Variants in DRP2 observed in about 807,000 individuals in gnomAD.
DRP2 encodes the protein dystrophin related protein 2, also known as dystrophin-related protein 2.
Under a neutral mutation model 78.2 loss-of-function variants are expected in DRP2, and 29 were observed. The ratio of observed to expected loss-of-function variants is 0.37; its 90% CI spans 0.28 to 0.51. The LOEUF is 0.51. Among genes scored for constraint, DRP2 ranks in the 20% least tolerant of loss-of-function variants. DRP2 has a pLI of 0.94. For missense variants in DRP2, 686 were observed against 770.6 expected (o/e 0.89, Z 1.30); for synonymous variants, 290 against 281.9 (o/e 1.03, Z -0.29).
intron 6 of DRP2, among the ~76,000 whole-genome samples, chrX:101,240,034 C>A (rs1272379387): frequency 1.8e-5 from 2 of 111,795 alleles, no homozygotes; most frequent in Non-Finnish European, 3.8e-5. Flanking sequence ...CAGAGCAAGA[C>A]CCTGACTCTA....
chrX:101,252,351 T>C (rs1923168335), intron 16 of DRP2, among the ~76,000 whole-genome samples: 1 of 111,682 alleles, frequency 9.0e-6, no homozygotes, highest in African/African-American at 3.3e-5. Flanking sequence ...ACAAAGGTGG[T>C]GAGACAATGC....
chrX:101,229,685 C>A (rs1922237612), intron 2 of DRP2, among the ~76,000 whole-genome samples: 1 of 110,711 alleles, frequency 9.0e-6, no homozygotes, highest in Non-Finnish European at 1.9e-5. Context: ...ATTTAATTAT[C>A]TGCATCATGA....
rs1331790946 is a variant in DRP2 at position 101,247,132 on chromosome X, T to C, written c.1220T>C (p.Met407Thr). The change falls in exon 12 of 24, where the codon ATG (methionine) becomes ACG (threonine). Residue 407 changes from methionine (M) to threonine (T), a missense_variant. By Grantham distance (81) the Met-to-Thr change is moderately conservative (BLOSUM62 -1). Around this residue, in one of 2 missense-constraint regions of DRP2, gnomAD observed 423 missense variants for 531.5 expected, o/e 0.80. Coordinates refer to ENST00000395209, the MANE Select transcript of DRP2 (RefSeq NM_001939.3). The stretch of plus-strand genomic sequence containing the variant: ...AAGTTCTCAGCTTATCGCACTGCCA[T>C]GAAACTCCGCAGAGTCCAGAAAGCC... ...NIKFSAYRTA[M>T]KLRRVQKALR... is the part of the protein sequence containing the mutation. 3 of 1,209,113 alleles carry C rather than the reference T, an allele frequency of 2.5e-6. No individual in the cohort carries two copies. Among genetic ancestry groups the C allele is most frequent in the Non-Finnish European group, 3.4e-6 (3 of 894,906 alleles).
intron 10 of DRP2, 78 bp downstream of exon 10, chrX:101,245,155 TTGTCACTC>T: frequency 9.9e-7 from 1 of 1,012,764 alleles, no homozygotes; most frequent in Non-Finnish European, 1.4e-6. Context: ...CTACCTGTCC[TTGTCACTC>T]TGTCTGTTGG....
chrX:101,257,080 A>G (rs892334882), intron 21 of DRP2, among the ~76,000 whole-genome samples: 2 of 110,114 alleles, frequency 1.8e-5, no homozygotes, highest in Non-Finnish European at 3.8e-5. Flanking sequence ...GAAGAAGAAT[A>G]CAGGGAAGAC....
chrX:101,239,017 A>G lies in DRP2; in HGVS notation c.475A>G (p.Ile159Val), dbSNP rs933071507. The change falls in exon 6 of 24, where the codon ATC (isoleucine) becomes GTC (valine). Residue 159 changes from isoleucine to valine, a missense_variant. Ile to Val is a conservative substitution (Grantham distance 29). Coordinates refer to ENST00000395209, the MANE Select transcript of DRP2 (RefSeq NM_001939.3). ...AGAAGTCAAGTCTCGGGGCCCCTAC[A>G]TCTATTCTGTGCTGGAGTCAGCTCA... ...MEEVKSRGPY[I>V]YSVLESAQAF... 2 of 1,209,328 alleles carry G rather than the reference A, an allele frequency of 1.7e-6. No individual in the cohort carries two copies. The highest frequency in any genetic ancestry group is 3.5e-5 in the African/African-American group (2 of 56,992).
At chrX:101,230,650 G>T (rs1277745834) in intron 2 of DRP2, among the ~76,000 whole-genome samples, 1 of 111,236 alleles carries the variant, frequency 9.0e-6, no homozygotes, top group African/African-American at 3.3e-5. Flanking sequence ...TGTCATTCAA[G>T]GCATGGCCCA....
Position 101,248,298 on chromosome X carries a change from C to A in DRP2, c.1454+8C>A. The A allele has an allele frequency of 8.3e-7, 1 of 1,206,020 alleles. No homozygotes were observed. Among genetic ancestry groups the A allele is most frequent in the Non-Finnish European group, 1.1e-6 (1 of 890,662 alleles). ...CCTCAATGTTTTTGATAGGTAAGGG[C>A]TTTCAGCTCTGGAAGCCTCCAGGAT... On this transcript the variant is annotated splice_region_variant and intron_variant, in intron 13 of 23. Transcript: ENST00000395209.
At chrX:101,254,609 C>T in intron 18 of DRP2, 48 bp downstream of exon 18, 1 of 1,204,219 alleles carries the variant, frequency 8.3e-7, no homozygotes, top group Non-Finnish European at 1.1e-6. Flanking sequence ...TCACTGAGCC[C>T]GATCGTATGC....
rs940843451 is a variant in DRP2, at chrX:101,263,642, G to A, written c.*3021G>A. 3 of 111,975 alleles carry A rather than the reference G, an allele frequency of 2.7e-5. No individual in the cohort carries two copies. The Admixed American group carries it at 2.8e-4, about 11-fold the overall frequency. The allele number at this position is 111,975 out of a possible 1,213,427, so 9.2% of individuals were successfully genotyped here. ...TGCTATGCTTCCCTAGGGAGGACAT[G>A]TGCCCTTCCCTCCAGATTAGAAAGG... is the stretch of plus-strand genomic sequence containing the variant. On this transcript the variant is annotated 3_prime_UTR_variant, in exon 24 of 24. Transcript: ENST00000395209.
chrX:101,241,862 G>A lies in DRP2; in HGVS notation c.754G>A (p.Gly252Arg), dbSNP rs771279299. The change falls in exon 7 of 24, where the codon GGA becomes AGA. Residue 252 changes from glycine (G) to arginine (R), a missense_variant. Transcript: ENST00000395209. The part of the protein sequence containing the change: ...ELSTTLSQAE[G>R]VRATWEPIGD... ...AAGCACTACTCTGAGCCAAGCTGAG[G>A]GAGTCCGAGCCACTTGGGAGCCCAT... 45 of 1,185,426 alleles carry A rather than the reference G, an allele frequency of 3.8e-5. No homozygotes were observed. The highest frequency in any genetic ancestry group is 4.9e-5 in the Non-Finnish European group (43 of 883,143).
In DRP2 at chrX:101,242,418, A is replaced by G. The variant is rs752061860; in HGVS notation, c.922A>G (p.Met308Val). The G allele has an allele frequency of 5.0e-6, 6 of 1,211,717 alleles. No individual in the cohort carries two copies. The highest frequency in any genetic ancestry group is 3.0e-5 in the East Asian group (1 of 33,834). The change falls in exon 8 of 24, where the codon ATG becomes GTG. Residue 308 changes from methionine to valine, a missense_variant. Met to Val is a conservative substitution (Grantham distance 21). Around this residue, in one of 2 missense-constraint regions of DRP2, gnomAD observed 263 missense variants for 239.1 expected, o/e 1.10. Transcript: ENST00000395209. Reference sequence around the variant, plus strand: ...TGCCATTTCTGATGTGCACTTGTCAATGGAGAATTCCCAGGCCCTGGAACA... The same window carrying G: ...TGCCATTTCTGATGTGCACTTGTCAGTGGAGAATTCCCAGGCCCTGGAACA... ...QLAISDVHLS[M>V]ENSQALEQIN...
At chrX:101,232,948 T>C (rs1439717320) in intron 3 of DRP2, among the ~76,000 whole-genome samples, 1 of 112,557 alleles carries the variant, frequency 8.9e-6, no homozygotes, top group Admixed American at 9.4e-5. Flanking sequence ...CCAGTTTCTC[T>C]TCCTTTCCTG....
At chrX:101,249,933 G>A (rs1260377045) in intron 14 of DRP2, among the ~76,000 whole-genome samples, 1 of 111,848 alleles carries the variant, frequency 8.9e-6, no homozygotes, top group Non-Finnish European at 1.9e-5. Context: ...GCATGCCAGT[G>A]TTTCCTTCCA....
At position 101,227,079 on chromosome X, in the gene DRP2, G is replaced by A. The variant is rs1042643092; in HGVS notation, c.-64+2373G>A. On this transcript the variant is annotated intron_variant, in intron 2 of 23. Coordinates refer to ENST00000395209, the MANE Select transcript of DRP2 (RefSeq NM_001939.3). ...AGATATCTCTTCCTCTTTTTATAAAGCCATGAATTCTCCTCCCGTGATAAC... is the reference window on the plus strand; with the variant it reads ...AGATATCTCTTCCTCTTTTTATAAAACCATGAATTCTCCTCCCGTGATAAC... 8.1e-5 allele frequency among the ~76,000 whole-genome samples: 9 copies of A among 110,694 alleles called. No individual in the cohort carries two copies. In the Admixed American group the frequency reaches 8.7e-4, roughly 11 times the overall value.
chrX:101,256,652 G>A (rs954157982), intron 21 of DRP2, among the ~76,000 whole-genome samples: 1 of 107,255 alleles, frequency 9.3e-6, no homozygotes, highest in African/African-American at 3.4e-5. Context: ...GAGTTCAAAC[G>A]ATTCTCATGC....
At position 101,262,733 on chromosome X, in the gene DRP2, G is replaced by C. The variant is rs1308606757; in HGVS notation, c.*2112G>C. On this transcript the variant is annotated 3_prime_UTR_variant, in exon 24 of 24. Transcript: ENST00000395209. ...AGGAGAACTGGGTATCTGGATAGAT[G>C]GTTGAGCAGGTGGTAGGCGGGCATC... 1 of 111,468 alleles carries C rather than the reference G, an allele frequency of 9.0e-6. No individual in the cohort carries two copies. Among genetic ancestry groups the C allele is most frequent in the Non-Finnish European group, 1.9e-5 (1 of 53,157 alleles). The allele number at this position is 111,468 out of a possible 1,213,427, so 9.2% of individuals were successfully genotyped here.
chrX:101,239,878 A>C (rs1284418865), intron 6 of DRP2, among the ~76,000 whole-genome samples: 5 of 111,022 alleles, frequency 4.5e-5, no homozygotes, highest in African/African-American at 1.6e-4. Context: ...CGCCTGGCCC[A>C]AAATTTTTTT....
chrX:101,229,304 G>T (rs1922222624), intron 2 of DRP2, among the ~76,000 whole-genome samples: 1 of 111,724 alleles, frequency 9.0e-6, no homozygotes, highest in Non-Finnish European at 1.9e-5. Context: ...TGCTTTTGTG[G>T]TGTCTGATCA....
Sources: allele counts gnomAD v4.1 joint callset (sites outside exome capture counted in the v4.1 genomes callset), GRCh38; gene constraint gnomAD v4.1.1; regional missense constraint gnomAD v4.1.1; transcripts MANE v1.5; gene names NCBI Gene and HGNC (gene_info 2026-07-23, HGNC 2026-07-21).